PLEKHM2: variants seen among roughly 807,000 people sequenced by gnomAD.
PLEKHM2 encodes pleckstrin homology and RUN domain containing M2.
A neutral mutation model predicts 116.3 loss-of-function variants in PLEKHM2; 77 were observed. The ratio of observed to expected loss-of-function variants is 0.66; its 90% CI spans 0.55 to 0.80. The LOEUF (loss-of-function observed/expected upper bound fraction) is 0.80, where lower values mean the gene tolerates loss of function less well. Among genes scored for constraint, PLEKHM2 ranks in the 30% least tolerant of loss-of-function variants. The pLI, the probability that PLEKHM2 is intolerant of heterozygous loss-of-function variation, is 0.00. For missense variants in PLEKHM2, 1,183 were observed against 1,354.9 expected (o/e 0.87, Z 1.99); for synonymous variants, 562 against 571.0 (o/e 0.98, Z 0.22).
In PLEKHM2 at chr1:15,727,077, A is replaced by G. The variant is rs1238231841; in HGVS notation, c.1005A>G (p.Pro335=). Residue 335 remains proline, a synonymous_variant, in exon 9 of 20, where the codon CCA becomes CCG. Transcript: ENST00000375799. The surrounding 1 kb of genome is among the most constrained non-coding windows in gnomAD (Gnocchi z 7.5). The part of the protein sequence containing the change: ...KKSRSDEEAS[P]LHPACSQKKC... ...GCAGATCAGATGAGGAGGCAAGTCC[A>G]CTCCACCCCGCCTGCAGCCAGAAGA... The G allele has an allele frequency of 9.2e-6, 14 of 1,519,208 alleles. No individual in the cohort carries two copies. The highest frequency in any genetic ancestry group is 2.8e-5 in the African/African-American group (2 of 71,838). 94.1% of individuals were successfully genotyped at this position (1,519,208 alleles called of 1,614,324 possible).
intron 1 of PLEKHM2, among the ~76,000 whole-genome samples, chr1:15,712,118 C>CAAA (rs1005404755): frequency 4.7e-4 from 24 of 51,306 alleles, no homozygotes; most frequent in African/African-American, 8.7e-4. Flanking sequence ...GATTCAGTCT[C>CAAA]AAAAAAAAAA....
intron 1 of PLEKHM2, among the ~76,000 whole-genome samples, chr1:15,687,109 G>T (rs1307018565): frequency 6.9e-6 from 1 of 144,598 alleles, no homozygotes; most frequent in Non-Finnish European, 1.5e-5. Context: ...TTTTTGTAGA[G>T]ATGGGATTTC....
intron 1 of PLEKHM2, among the ~76,000 whole-genome samples, chr1:15,705,335 T>A (rs1222948539): frequency 6.6e-6 from 1 of 151,776 alleles, no homozygotes; most frequent in Non-Finnish European, 1.5e-5. Context: ...TATCGTGCCA[T>A]CATGTCCGAC....
At chr1:15,704,729 C>G (rs548177660) in intron 1 of PLEKHM2, among the ~76,000 whole-genome samples, 10 of 152,306 alleles carry the variant, frequency 6.6e-5, no homozygotes, top group African/African-American at 2.4e-4. Context: ...ATGTGCTTTC[C>G]TCATGGTCCC....
Position 15,727,960 on chromosome 1 carries a change from C to G in PLEKHM2, c.1761-119C>G, listed in dbSNP as rs549996072. 5.8e-5 allele frequency: 70 copies of G among 1,204,178 alleles called. No homozygotes were observed. In the East Asian group the frequency reaches 1.6e-3, roughly 28 times the overall value. 74.6% of individuals were successfully genotyped at this position (1,204,178 alleles called of 1,614,324 possible). ...TGAGTGAGAAGGGGTGTGAGCCTCCCTCCCTAACTTTGGCTCCTAGTGGGA... is the reference window on the plus strand; with the variant it reads ...TGAGTGAGAAGGGGTGTGAGCCTCCGTCCCTAACTTTGGCTCCTAGTGGGA... On this transcript the variant is annotated intron_variant, in intron 9 of 19. Transcript: ENST00000375799. The surrounding 1 kb of genome is among the most constrained non-coding windows in gnomAD (Gnocchi z 7.5).
At chr1:15,716,896 C>A in intron 3 of PLEKHM2, 80 bp downstream of exon 3, 1 of 1,523,942 alleles carries the variant, frequency 6.6e-7, no homozygotes, top group Non-Finnish European at 8.8e-7. Flanking sequence ...CCCAGGTTTA[C>A]CCTCAGGGTC....
Position 15,731,889 on chromosome 1 carries a change from G to T in PLEKHM2, c.2466G>T (p.Gly822=), listed in dbSNP as rs201370265. ...DVIPLLSVNM[G]GEQCGGCRRA... The stretch of plus-strand genomic sequence containing the variant: ...GTTTCACCCTCCTCCTCTGGCCCAG[G>T]GGGGAGCAGTGCGGTGGCTGCCGGA... The change falls in exon 17 of 20, where the codon GGG becomes GGT. Residue 822 remains glycine, a splice_region_variant and synonymous_variant. Transcript: ENST00000375799. 18 of 1,610,352 alleles carry T rather than the reference G, an allele frequency of 1.1e-5. No individual in the cohort carries two copies. The highest frequency in any genetic ancestry group is 3.3e-5 in the Admixed American group (2 of 59,764).
intron 1 of PLEKHM2, among the ~76,000 whole-genome samples, chr1:15,709,171 C>T (rs1478584663): frequency 6.6e-6 from 1 of 152,122 alleles, no homozygotes; most frequent in Non-Finnish European, 1.5e-5. Flanking sequence ...TAAATCATGG[C>T]CCTAATTGTA....
At chr1:15,730,503 T>C (rs768911099) in intron 14 of PLEKHM2, 29 bp from the exon 15 acceptor site, 2 of 1,509,686 alleles carry the variant, frequency 1.3e-6, no homozygotes, top group South Asian at 2.6e-5. Context: ...CCTTACTTGC[T>C]TTGTCCCCCG....
intron 3 of PLEKHM2, 89 bp downstream of exon 3, chr1:15,716,905 T>G: frequency 1.3e-6 from 2 of 1,508,292 alleles, no homozygotes; most frequent in Non-Finnish European, 8.9e-7. Flanking sequence ...ACCCTCAGGG[T>G]CAGCCCTGGG....
In PLEKHM2 at chr1:15,725,409, C is replaced by T; in HGVS notation, c.805C>T (p.Gln269Ter). The change falls in exon 8 of 20, where the codon CAG becomes TAG. Residue 269 changes from glutamine to a stop codon, truncating the protein, a stop_gained. Coordinates refer to ENST00000375799, the MANE Select transcript of PLEKHM2 (RefSeq NM_015164.4). LOFTEE classifies it high-confidence loss of function. ...KASTRSPTQR[Q>*]NPFNEEPAET... ...CTCCACCAGGAGCCCCACCCAGCGC[C>T]AGAACCCCTTCAACGAGGAGCCGGC... is the stretch of plus-strand genomic sequence containing the variant. The T allele has an allele frequency of 6.4e-7, 1 of 1,554,498 alleles. No individual in the cohort carries two copies. The highest frequency in any genetic ancestry group is 1.4e-5 in the African/African-American group (1 of 73,252).
rs533366039 is a variant in PLEKHM2 at position 15,731,538 on chromosome 1, C to G, written c.2465+281C>G. The stretch of plus-strand genomic sequence containing the variant: ...CCCGGCCTGATGGGAGATGGACGTT[C>G]GGGTATTTGGGAGGAACAGCAGGCC... On this transcript the variant is annotated intron_variant, in intron 16 of 19. Coordinates refer to ENST00000375799, the MANE Select transcript of PLEKHM2 (RefSeq NM_015164.4). 2.0e-5 allele frequency among the ~76,000 whole-genome samples: 3 copies of G among 152,222 alleles called. No individual in the cohort carries two copies. The South Asian group carries it at 6.2e-4, about 32-fold the overall frequency.
At chr1:15,687,847 C>T (rs1447797241) in intron 1 of PLEKHM2, among the ~76,000 whole-genome samples, 2 of 152,146 alleles carry the variant, frequency 1.3e-5, no homozygotes, top group Non-Finnish European at 2.9e-5. Flanking sequence ...TGCCTTTTTT[C>T]TTGCATCCTA....
At chr1:15,688,215 G>A (rs1224265920) in intron 1 of PLEKHM2, among the ~76,000 whole-genome samples, 1 of 152,170 alleles carries the variant, frequency 6.6e-6, no homozygotes, top group African/African-American at 2.4e-5. Flanking sequence ...TTTTGTGATG[G>A]TGAATACCCA....
At chr1:15,697,608 G>A (rs1254350875) in intron 1 of PLEKHM2, among the ~76,000 whole-genome samples, 1 of 152,160 alleles carries the variant, frequency 6.6e-6, no homozygotes, top group Non-Finnish European at 1.5e-5. Context: ...GAAATCCACA[G>A]AAAAATGAAA....
intron 1 of PLEKHM2, among the ~76,000 whole-genome samples, chr1:15,707,593 A>G (rs758215662): frequency 6.6e-6 from 1 of 152,222 alleles, no homozygotes; most frequent in Non-Finnish European, 1.5e-5. Flanking sequence ...CCTTTCCCCA[A>G]AATCCACATG....
chr1:15,725,582 T>C (rs1192245707), intron 8 of PLEKHM2, 37 bp downstream of exon 8: 16 of 1,455,536 alleles, frequency 1.1e-5, no homozygotes, highest in Non-Finnish European at 1.5e-5. Flanking sequence ...GCTGAGGTCC[T>C]GGGGTCCAAC....
At chr1:15,704,719 A>G (rs1437872997) in intron 1 of PLEKHM2, among the ~76,000 whole-genome samples, 1 of 151,898 alleles carries the variant, frequency 6.6e-6, no homozygotes, top group Non-Finnish European at 1.5e-5. Flanking sequence ...CCCTGCGCCC[A>G]TGTGCTTTCC....
upstream of PLEKHM2, among the ~76,000 whole-genome samples, chr1:15,683,824 G>C (rs1301683334): frequency 6.6e-6 from 1 of 150,394 alleles, no homozygotes; most frequent in African/African-American, 2.5e-5. Flanking sequence ...TCTCTGAGGA[G>C]GGCCGGTGTC....
Sources: allele counts gnomAD v4.1 joint callset (sites outside exome capture counted in the v4.1 genomes callset), GRCh38; gene constraint gnomAD v4.1.1; non-coding constraint Gnocchi (gnomAD v3.1); transcripts MANE v1.5; gene names NCBI Gene and HGNC (gene_info 2026-07-23, HGNC 2026-07-21).